Variants in VTI1A observed in about 807,000 individuals in gnomAD.
The protein encoded by VTI1A is vesicle transport through interaction with t-SNAREs 1A.
VTI1A carries 22 observed loss-of-function variants against 34.9 expected under a neutral mutation model. That is an observed-to-expected ratio of 0.63 (90% CI 0.45 to 0.90). The LOEUF (loss-of-function observed/expected upper bound fraction) is 0.90. Among genes scored for constraint, VTI1A ranks in the 40% least tolerant of loss-of-function variants. VTI1A has a pLI of 0.00. For missense variants in VTI1A, 268 were observed against 275.6 expected (o/e 0.97, Z 0.20); for synonymous variants, 87 against 97.3 (o/e 0.89, Z 0.62).
intron 5 of VTI1A, among the ~76,000 whole-genome samples, chr10:112,630,017 T>TGTTA (rs1846070093): frequency 6.6e-6 from 1 of 152,190 alleles, no homozygotes; most frequent in African/African-American, 2.4e-5. Flanking sequence ...GACTCTAGTA[T>TGTTA]GTTAAAGAAA....
At chr10:112,783,284 A>G (rs890545358) in intron 7 of VTI1A, among the ~76,000 whole-genome samples, 10 of 152,152 alleles carry the variant, frequency 6.6e-5, no homozygotes, top group African/African-American at 2.4e-4. Flanking sequence ...ACCAAATGAA[A>G]ACAACTTTGG....
intron 5 of VTI1A, among the ~76,000 whole-genome samples, chr10:112,656,513 C>A (rs955729771): frequency 2.2e-4 from 30 of 138,556 alleles, no homozygotes; most frequent in Non-Finnish European, 7.7e-5. Context: ...GCATACCACA[C>A]CCAGATAATT....
At chr10:112,676,092 T>C (rs2133850425) in intron 7 of VTI1A, among the ~76,000 whole-genome samples, 1 of 152,292 alleles carries the variant, frequency 6.6e-6, no homozygotes, top group South Asian at 2.1e-4. Flanking sequence ...AAGACTAAAA[T>C]CAAAATGTTA....
At chr10:112,623,155 G>A (rs896349309) in intron 5 of VTI1A, among the ~76,000 whole-genome samples, 5 of 152,144 alleles carry the variant, frequency 3.3e-5, no homozygotes, top group African/African-American at 1.2e-4. Flanking sequence ...GAGATATGTA[G>A]ATCTTAATGC....
chr10:112,555,545 C>A (rs952948070), intron 5 of VTI1A, among the ~76,000 whole-genome samples: 2 of 151,956 alleles, frequency 1.3e-5, no homozygotes, highest in Admixed American at 1.3e-4. Context: ...CACAGTTGTA[C>A]CCATTTCAGC....
chr10:112,822,712 GGAGAAACTCGAGT>G (rs1403760197), downstream of VTI1A, among the ~76,000 whole-genome samples: 1 of 152,140 alleles, frequency 6.6e-6, no homozygotes, highest in African/African-American at 2.4e-5. Context: ...CTAAAGAAAG[GGAGAAACTCGAGT>G]GAGAACTAGA....
intron 3 of VTI1A, among the ~76,000 whole-genome samples, chr10:112,473,614 C>T (rs574798198): frequency 7.2e-5 from 11 of 152,136 alleles, no homozygotes; most frequent in Admixed American, 1.3e-4. Context: ...AGGATCGTCT[C>T]TCAGAAGGCA....
chr10:112,481,224 T>A (rs939459225), intron 3 of VTI1A, among the ~76,000 whole-genome samples: 1 of 152,232 alleles, frequency 6.6e-6, no homozygotes, highest in Non-Finnish European at 1.5e-5. Context: ...TATTTTACAT[T>A]TATTCTGTAT....
At chr10:112,794,429 G>C (rs1320898168) in intron 7 of VTI1A, among the ~76,000 whole-genome samples, 1 of 152,046 alleles carries the variant, frequency 6.6e-6, no homozygotes, top group African/African-American at 2.4e-5. Flanking sequence ...ATGCATGCCT[G>C]TGGTCCCAGC....
chr10:112,672,965 TTAC>T (rs1457401555), intron 7 of VTI1A, among the ~76,000 whole-genome samples: 8 of 152,160 alleles, frequency 5.3e-5, no homozygotes, highest in African/African-American at 1.9e-4. Context: ...ACAGGATATG[TTAC>T]TACTTTACCT....
At chr10:112,549,839 A>G (rs1851280360) in intron 5 of VTI1A, among the ~76,000 whole-genome samples, 1 of 152,184 alleles carries the variant, frequency 6.6e-6, no homozygotes, top group Admixed American at 6.5e-5. Context: ...CAAGCCTATT[A>G]AAGTCTGATA....
At chr10:112,538,512 T>C in intron 5 of VTI1A, 182 bp downstream of exon 5, 6 of 577,898 alleles carry the variant, frequency 1.0e-5, no homozygotes, top group Middle Eastern at 8.6e-4. Flanking sequence ...AGGCATGACA[T>C]CTACTGAAAA....
chr10:112,714,238 A>T (rs747654088), intron 7 of VTI1A, among the ~76,000 whole-genome samples: 4 of 152,126 alleles, frequency 2.6e-5, no homozygotes, highest in Non-Finnish European at 5.9e-5. Flanking sequence ...AACTCTCTGG[A>T]TGCTTTGCCT....
At chr10:112,500,696 A>G (rs778064279) in intron 3 of VTI1A, among the ~76,000 whole-genome samples, 3 of 152,064 alleles carry the variant, frequency 2.0e-5, no homozygotes, top group African/African-American at 7.2e-5. Flanking sequence ...TCCTAGATCA[A>G]TGTTGGACTC....
intron 7 of VTI1A, among the ~76,000 whole-genome samples, chr10:112,686,305 T>G (rs574694624): frequency 1.8e-4 from 28 of 152,156 alleles, no homozygotes; most frequent in Non-Finnish European, 3.2e-4. Flanking sequence ...TGATGTAAGT[T>G]TTGGTGGTGT....
intron 5 of VTI1A, chr10:112,549,018 G>A: frequency 1.7e-6 from 1 of 599,158 alleles, no homozygotes; most frequent in Non-Finnish European, 2.9e-6. Flanking sequence ...AATATTTTGA[G>A]TGTTCACTGT....
At chr10:112,505,313 G>T (rs952353628) in intron 3 of VTI1A, among the ~76,000 whole-genome samples, 1 of 152,010 alleles carries the variant, frequency 6.6e-6, no homozygotes, top group Non-Finnish European at 1.5e-5. Flanking sequence ...TTGTTTGTAT[G>T]ACTTGATTTC....
intron 5 of VTI1A, among the ~76,000 whole-genome samples, chr10:112,556,602 A>T (rs1339203625): frequency 6.6e-6 from 1 of 152,028 alleles, no homozygotes; most frequent in Non-Finnish European, 1.5e-5. Context: ...TTAAGTTTTC[A>T]TGAGGACTCT....
intron 7 of VTI1A, among the ~76,000 whole-genome samples, chr10:112,686,528 A>G (rs933582571): frequency 3.9e-5 from 6 of 152,154 alleles, no homozygotes; most frequent in African/African-American, 1.2e-4. Flanking sequence ...GTATTTAATT[A>G]TTGATGATTT....
Sources: allele counts gnomAD v4.1 joint callset (sites outside exome capture counted in the v4.1 genomes callset), GRCh38; gene constraint gnomAD v4.1.1; transcripts MANE v1.5; gene names NCBI Gene and HGNC (gene_info 2026-07-23, HGNC 2026-07-21).